The following RGS12 variants were observed in gnomAD, a reference collection of about 807,000 sequenced individuals.
RGS12 encodes the protein regulator of G-protein signaling 12.
A neutral mutation model predicts 120.1 loss-of-function variants in RGS12; 66 were observed. The ratio of observed to expected loss-of-function variants is 0.55; its 90% confidence interval spans 0.45 to 0.67. RGS12 has a LOEUF of 0.67. RGS12 is among the 30% of genes least tolerant of loss of function. The probability of loss-of-function intolerance (pLI) is 0.00; values close to 1 mark genes in which losing one functional copy is unlikely to be tolerated. For missense variants in RGS12, 1,859 were observed against 1,957.7 expected (o/e 0.95, Z 0.95); for synonymous variants, 827 against 804.7 (o/e 1.03, Z -0.47).
intron 3 of RGS12, among the ~76,000 whole-genome samples, chr4:3,371,146 G>C (rs933460250): frequency 2.6e-5 from 4 of 152,220 alleles, no homozygotes; most frequent in African/African-American, 9.6e-5. Context: ...AAATAGACAT[G>C]GGTCTGCTGG....
intron 3 of RGS12, among the ~76,000 whole-genome samples, chr4:3,361,303 G>A (rs1023240111): frequency 5.3e-5 from 8 of 152,168 alleles, no homozygotes; most frequent in Non-Finnish European, 1.0e-4. Flanking sequence ...TGAACGGGGT[G>A]AGGGCTACGT....
At chr4:3,286,278 TC>T in the RGS12 span, among the ~76,000 whole-genome samples, 1 of 152,170 alleles carries the variant, frequency 6.6e-6, no homozygotes, top group Non-Finnish European at 1.5e-5. Flanking sequence ...GTGGTTTCTT[TC>T]GACACACTGA....
chr4:3,369,818 C>T (rs1716774902), intron 3 of RGS12: 1 of 162,474 alleles, frequency 6.2e-6, no homozygotes, highest in Admixed American at 6.3e-5. Flanking sequence ...ACTGAGAGGG[C>T]TTTAGGCGTG....
Position 3,317,816 on chromosome 4 carries a change from G to A in RGS12, c.1646G>A (p.Gly549Glu). The A allele has an allele frequency of 1.2e-6, 2 of 1,613,170 alleles. No homozygotes were observed. Among genetic ancestry groups the A allele is most frequent in the Non-Finnish European group, 1.7e-6 (2 of 1,179,708 alleles). Residue 549 changes from glycine to glutamate, a missense_variant, in exon 2 of 18, where the codon GGA (glycine) becomes GAA (glutamate). Physicochemically the swap from Gly to Glu is moderately conservative, Grantham distance 98 (BLOSUM62 -2). Transcript: ENST00000336727. ...CACGTGCTCCGGGAGTGGCAGTGCG[G>A]ACACACCAGCGACCAGGACTCTTAC... Reference protein sequence around the residue: ...PVHVLREWQCGHTSDQDSYTD... With the variant: ...PVHVLREWQCEHTSDQDSYTD...
intron 17 of RGS12, among the ~76,000 whole-genome samples, chr4:3,438,464 G>A (rs542361907): frequency 2.6e-5 from 4 of 151,970 alleles, no homozygotes; most frequent in African/African-American, 9.7e-5. Flanking sequence ...GGCTCTCCCA[G>A]CACGGGGGCT....
Position 3,317,503 on chromosome 4 carries a change from G to A in RGS12, c.1333G>A (p.Gly445Arg). 6.2e-7 allele frequency: 1 copy of A among 1,613,160 alleles called. No homozygotes were observed. Among genetic ancestry groups the A allele is most frequent in the Non-Finnish European group, 8.5e-7 (1 of 1,180,018 alleles). ...SNRVLVVDLG[G>R]SSSRHGPGGS... is the part of the protein sequence containing the mutation. ...CCGGGTCCTTGTGGTGGACCTGGGTGGGAGCTCGAGCAGACACGGCCCCGG... is the reference window on the plus strand; with the variant it reads ...CCGGGTCCTTGTGGTGGACCTGGGTAGGAGCTCGAGCAGACACGGCCCCGG... Residue 445 changes from glycine (G) to arginine (R), a missense_variant, in exon 2 of 18, where the codon GGG (glycine) becomes AGG (arginine). Physicochemically the swap from Gly to Arg is moderately radical, Grantham distance 125. This residue lies in a region of RGS12 where 967 missense variants were observed against 994.2 expected (regional missense o/e 0.97). Transcript: ENST00000336727.
At chr4:3,379,543 T>C (rs1718052881) in intron 3 of RGS12, among the ~76,000 whole-genome samples, 2 of 152,200 alleles carry the variant, frequency 1.3e-5, no homozygotes, top group South Asian at 4.1e-4. Flanking sequence ...CGTGCTGCTA[T>C]GAAGAAATAC....
chr4:3,330,579 A>G (rs1711732701), intron 2 of RGS12, among the ~76,000 whole-genome samples: 1 of 152,220 alleles, frequency 6.6e-6, no homozygotes, highest in Non-Finnish European at 1.5e-5. Context: ...AAGGCACTTA[A>G]TATTTTTTTT....
At position 3,389,696 on chromosome 4, in the gene RGS12, C is replaced by T. The variant is rs146334657; in HGVS notation, c.2020+3259C>T. ...TCTGAAGTCGGGGTGTGGAGACTAT[C>T]GGGGAGCTCCCAGAGCGCCCACCTC... On this transcript the variant is annotated intron_variant, in intron 4 of 17. Coordinates refer to ENST00000336727, the MANE Select transcript of RGS12 (RefSeq NM_001394154.1). This position sits in a 1 kb window ranked among gnomAD's most constrained non-coding sequence, Gnocchi z 5.2. Among the ~76,000 whole-genome samples, 600 of 152,290 alleles carry T rather than the reference C, an allele frequency of 3.9e-3. 4 individuals carry two copies. Among genetic ancestry groups the T allele is most frequent in the African/African-American group, 0.013 (557 of 41,560 alleles).
At chr4:3,403,962 G>A (rs1720857835) in intron 4 of RGS12, among the ~76,000 whole-genome samples, 1 of 152,228 alleles carries the variant, frequency 6.6e-6, no homozygotes, top group African/African-American at 2.4e-5. Flanking sequence ...GTGAAGCTAA[G>A]GGAGTAAGGA....
chr4:3,409,417 A>G (rs1424624818), intron 4 of RGS12, among the ~76,000 whole-genome samples: 2 of 152,272 alleles, frequency 1.3e-5, no homozygotes, highest in Admixed American at 6.5e-5. Context: ...AATAATTAGT[A>G]TCTGCCAAAA....
intron 2 of RGS12, among the ~76,000 whole-genome samples, chr4:3,337,889 G>A (rs1337684417): frequency 2.0e-5 from 3 of 152,132 alleles, no homozygotes; most frequent in Admixed American, 2.0e-4. Flanking sequence ...AATAAAAAAC[G>A]GCAGTGCAGT....
At chr4:3,309,315 A>G (rs3135147) in intron 1 of RGS12, among the ~76,000 whole-genome samples, 7 of 120,182 alleles carry the variant, frequency 5.8e-5, no homozygotes, top group South Asian at 2.8e-4. Context: ...TCTGCTGAGG[A>G]GAACCGGGTG....
chr4:3,425,162 G>A (rs16844335), intron 13 of RGS12, among the ~76,000 whole-genome samples: 5,499 of 152,230 alleles, frequency 0.036, 221 homozygotes, highest in African/African-American at 0.09. Context: ...TAGCAGTTTC[G>A]AGGGTCAGTA....
intron 4 of RGS12, among the ~76,000 whole-genome samples, chr4:3,405,523 C>T (rs1232957086): frequency 1.3e-5 from 2 of 152,198 alleles, no homozygotes; most frequent in Admixed American, 6.5e-5. Flanking sequence ...ACAGCAGCAG[C>T]CACCCTGAGT....
intron 10 of RGS12, 88 bp from the exon 11 acceptor site, chr4:3,422,288 G>A (rs1199834121): frequency 1.0e-5 from 14 of 1,372,762 alleles, no homozygotes; most frequent in East Asian, 2.5e-5. Flanking sequence ...CAGCACGTGC[G>A]GCCTGGGCCA....
Position 3,430,576 on chromosome 4 carries a change from C to G in RGS12, c.3735C>G (p.Ser1245Arg). ...TGGCCAAGGGCTTTAGCAAGAGAAG[C>G]GCCACAGGCAACGGCCGGGAGAGCG... is the stretch of plus-strand genomic sequence containing the variant. Reference protein sequence around the residue: ...AAVAKGFSKRSATGNGRESAS... With the variant: ...AAVAKGFSKRRATGNGRESAS... Residue 1245 changes from serine (S) to arginine (R), a missense_variant, in exon 17 of 18, where the codon AGC becomes AGG. Physicochemically the swap from Ser to Arg is moderately radical, Grantham distance 110. Coordinates refer to ENST00000336727, the MANE Select transcript of RGS12 (RefSeq NM_001394154.1). 6.2e-7 allele frequency: 1 copy of G among 1,612,862 alleles called. No homozygotes were observed. Among genetic ancestry groups the G allele is most frequent in the Middle Eastern group, 1.6e-4 (1 of 6,062 alleles).
In RGS12 at chr4:3,422,970, C is replaced by CTTGTT; in HGVS notation, c.3101_3105dup (p.Arg1036CysfsTer43). 1 of 1,612,780 alleles carries CTTGTT rather than the reference C, an allele frequency of 6.2e-7. No individual in the cohort carries two copies. Among genetic ancestry groups the CTTGTT allele is most frequent in the Non-Finnish European group, 8.5e-7 (1 of 1,179,532 alleles). On this transcript the variant is annotated frameshift_variant, in exon 12 of 18. Transcript: ENST00000336727. LOFTEE classifies it high-confidence loss of function. ...GGGACCTGCGCCTAGAAAAGCGCAC[C>CTTGTT]TTGTTTCGGTAAGAGGAAGATCGCT... is the stretch of plus-strand genomic sequence containing the variant.
intron 3 of RGS12, among the ~76,000 whole-genome samples, chr4:3,368,041 T>C (rs888472184): frequency 1.3e-5 from 2 of 152,214 alleles, no homozygotes; most frequent in Non-Finnish European, 2.9e-5. Flanking sequence ...AGCACTTAGG[T>C]GATAACCCCT....
Sources: gnomAD v4.1 joint callset for allele counts (sites outside exome capture counted in the v4.1 genomes callset) on GRCh38, gnomAD v4.1.1 for gene constraint, gnomAD v4.1.1 regional missense constraint, Gnocchi (gnomAD v3.1) non-coding constraint, MANE v1.5 for transcripts, NCBI Gene and HGNC (gene_info 2026-07-23, HGNC 2026-07-21) for gene names.